Variants in PCDH11Y observed in about 807,000 individuals in gnomAD.
PCDH11Y encodes protocadherin-11 Y-linked.
For missense variants in PCDH11Y, 12 were observed against 224.8 expected, an observed-to-expected ratio of 0.05 and a Z score of 6.05; for synonymous variants, 9 against 83.6, an observed-to-expected ratio of 0.11 and a Z score of 4.87.
chrY:5,117,475 T>C, intron 2 of PCDH11Y, among the ~76,000 whole-genome samples: 1 of 32,704 alleles, frequency 3.1e-5, no homozygotes, highest in Non-Finnish European at 7.5e-5. Flanking sequence ...GAAAAAGAGA[T>C]TGAGACAGGG....
At chrY:5,288,097 A>G in intron 2 of PCDH11Y, among the ~76,000 whole-genome samples, 3 of 32,402 alleles carry the variant, frequency 9.3e-5, no homozygotes, top group Non-Finnish European at 1.5e-4. Context: ...TTTCTCCTGA[A>G]TCTTGATGGT....
At chrY:5,160,152 GTGTT>G (rs2052873501) in intron 2 of PCDH11Y, among the ~76,000 whole-genome samples, 1 of 26,599 alleles carries the variant, frequency 3.8e-5, no homozygotes, top group African/African-American at 1.4e-4. Flanking sequence ...ATATTTGAAG[GTGTT>G]TGTTTATTTG....
intron 4 of PCDH11Y, among the ~76,000 whole-genome samples, chrY:5,582,678 TTA>T (rs2124697556): frequency 3.7e-5 from 1 of 26,936 alleles, no homozygotes; most frequent in Non-Finnish European, 8.9e-5. Context: ...ACCTGAATTG[TTA>T]TGTAAGGAAG....
chrY:5,389,255 T>C, intron 2 of PCDH11Y, among the ~76,000 whole-genome samples: 1 of 33,721 alleles, frequency 3.0e-5, no homozygotes, highest in Non-Finnish European at 7.3e-5. Flanking sequence ...TGTCTTCTAA[T>C]GAGAAGTAAT....
intron 3 of PCDH11Y, among the ~76,000 whole-genome samples, chrY:5,045,667 A>G: frequency 1.2e-4 from 4 of 32,843 alleles, no homozygotes; most frequent in Admixed American, 2.8e-4. Flanking sequence ...CTACCTTGCT[A>G]TATTGGGGAA....
At chrY:5,199,877 T>C in intron 2 of PCDH11Y, among the ~76,000 whole-genome samples, 1 of 33,679 alleles carries the variant, frequency 3.0e-5, no homozygotes, top group Non-Finnish European at 7.3e-5. Flanking sequence ...TCAACTGTGA[T>C]TGGTAAGAAT....
intron 2 of PCDH11Y, among the ~76,000 whole-genome samples, chrY:5,446,524 GGT>G (rs2053287793): frequency 3.0e-5 from 1 of 32,855 alleles, no homozygotes; most frequent in African/African-American, 1.2e-4. Flanking sequence ...CTTGTATATA[GGT>G]GTGTGTGTGT....
intron 2 of PCDH11Y, among the ~76,000 whole-genome samples, chrY:5,372,864 C>CCTT (rs2053189354): frequency 4.9e-4 from 1 of 2,045 alleles, no homozygotes; most frequent in Non-Finnish European, 1.3e-3. Context: ...TTCCTTCCTT[C>CCTT]CCTTCCTTCC....
chrY:5,063,024 T>C, intron 1 of PCDH11Y, among the ~76,000 whole-genome samples: 1 of 32,890 alleles, frequency 3.0e-5, no homozygotes, highest in East Asian at 7.9e-4. Flanking sequence ...AAAAACATAT[T>C]TTTATAAGAC....
At chrY:5,045,050 C>A in intron 3 of PCDH11Y, among the ~76,000 whole-genome samples, 2 of 33,110 alleles carry the variant, frequency 6.0e-5, no homozygotes, top group Non-Finnish European at 1.5e-4. Context: ...ACTGATAGGT[C>A]TTGACTCTTT....
At chrY:5,684,680 A>G (rs2053561765) in intron 4 of PCDH11Y, among the ~76,000 whole-genome samples, 1 of 34,420 alleles carries the variant, frequency 2.9e-5, no homozygotes, top group East Asian at 7.7e-4. Flanking sequence ...TTGCAACAAC[A>G]TAGATGGAGC....
At chrY:5,256,485 C>T (rs2053011328) in intron 2 of PCDH11Y, among the ~76,000 whole-genome samples, 4 of 32,955 alleles carry the variant, frequency 1.2e-4, no homozygotes, top group Admixed American at 5.5e-4. Context: ...GTTATTCCTC[C>T]GGTTTTATTC....
chrY:5,670,650 G>T (rs2053548314), intron 4 of PCDH11Y, among the ~76,000 whole-genome samples: 1 of 31,853 alleles, frequency 3.1e-5, no homozygotes, highest in Non-Finnish European at 7.8e-5. Context: ...ATTTCCTATA[G>T]ACTTGTTTGA....
At chrY:5,144,618 C>T in intron 2 of PCDH11Y, among the ~76,000 whole-genome samples, 1 of 32,958 alleles carries the variant, frequency 3.0e-5, no homozygotes, top group Admixed American at 2.8e-4. Context: ...TCCCAGAGCA[C>T]TCAGAAATAT....
At position 5,046,355 on chromosome Y, in the gene PCDH11Y, G is replaced by T. The variant is rs2124625879; in HGVS notation, c.33-10534G>T. ...AGACAGGACCCTCAGCTGCAGATCT[G>T]TTGGAGTACCCTGCAGTGTGAGGTG... On this transcript the variant is annotated intron_variant, in intron 3 of 5. Transcript: ENST00000333703. Among the ~76,000 whole-genome samples, 3 of 33,421 alleles carry T rather than the reference G, an allele frequency of 9.0e-5. No homozygotes were observed. In the South Asian group the frequency reaches 2.0e-3, roughly 23 times the overall value. 89.7% of individuals were successfully genotyped at this position (33,421 alleles called of 37,273 possible). A position where few individuals can be genotyped will look rare whatever the true frequency, so the allele number is the denominator to read the frequency against.
At chrY:5,734,700 G>GGATTTTGTATGTGACA in intron 4 of PCDH11Y, among the ~76,000 whole-genome samples, 1 of 32,564 alleles carries the variant, frequency 3.1e-5, no homozygotes, top group South Asian at 7.2e-4. Flanking sequence ...GATTATAAAT[G>GGATTTTGTATGTGACA]GCATCCTGCT....
downstream of PCDH11Y, among the ~76,000 whole-genome samples, chrY:5,107,962 G>A (rs2052794939): frequency 3.3e-5 from 1 of 30,694 alleles, no homozygotes. Context: ...GAGAGGCTGA[G>A]GCAGGAGAAT....
At chrY:5,237,467 A>T in intron 2 of PCDH11Y, among the ~76,000 whole-genome samples, 1 of 33,181 alleles carries the variant, frequency 3.0e-5, no homozygotes, top group African/African-American at 1.2e-4. Context: ...CCAATATCAT[A>T]CTGAATGGGC....
intron 2 of PCDH11Y, among the ~76,000 whole-genome samples, chrY:5,406,510 GA>G (rs2053238933): frequency 2.1e-3 from 66 of 31,781 alleles, no homozygotes; most frequent in South Asian, 0.014. Context: ...GTCTGCTGCA[GA>G]AAAAAAAATT....
Sources: gnomAD v4.1 joint callset for allele counts (sites outside exome capture counted in the v4.1 genomes callset) on GRCh38, gnomAD v4.1.1 for gene constraint, MANE v1.5 for transcripts, NCBI Gene and HGNC (gene_info 2026-07-23, HGNC 2026-07-21) for gene names.